Variants in USP6 observed in about 807,000 individuals in gnomAD.
The protein encoded by USP6 is ubiquitin specific peptidase 6, also known as ubiquitin carboxyl-terminal hydrolase 6.
In USP6, 128 loss-of-function variants were observed where a neutral mutation model predicts 175.7. That is an observed-to-expected ratio of 0.73 (90% CI 0.63 to 0.84). The LOEUF is 0.84. Ranked by LOEUF, USP6 falls within the 40% of genes least tolerant of loss-of-function variation. USP6 has a pLI of 0.00. For missense variants in USP6, 1,498 were observed against 1,760.3 expected (o/e 0.85, Z 2.67); for synonymous variants, 562 against 630.6 (o/e 0.89, Z 1.63).
chr17:5,148,434 A>T (rs2073671400), intron 29 of USP6, 122 bp from the exon 30 acceptor site: 1 of 1,137,224 alleles, frequency 8.8e-7, no homozygotes, highest in Admixed American at 2.8e-5. Flanking sequence ...TATTTATACT[A>T]TGATTTCTCC....
intron 29 of USP6, among the ~76,000 whole-genome samples, chr17:5,147,736 G>A (rs187600258): frequency 2.6e-5 from 4 of 152,262 alleles, no homozygotes; most frequent in Admixed American, 1.3e-4. Context: ...TTAATTTAGA[G>A]TATCACTGTC....
chr17:5,121,105 A>G (rs1004251610), intron 3 of USP6, among the ~76,000 whole-genome samples: 1 of 152,194 alleles, frequency 6.6e-6, no homozygotes, highest in Non-Finnish European at 1.5e-5. Flanking sequence ...GAGTGTCTCC[A>G]GTGTCCTAGG....
At position 5,160,592 on chromosome 17, in the gene USP6, G is replaced by T. The variant is rs530318678; in HGVS notation, c.2829-936G>T. ...CAGTTAAAAGAAGTTACTCCATGGT[G>T]TATATGTGCCACATTTTCTTAATCC... On this transcript the variant is annotated intron_variant, in intron 31 of 37. Transcript: ENST00000574788. Among the ~76,000 whole-genome samples, 12 of 152,342 alleles carry T rather than the reference G, an allele frequency of 7.9e-5. No individual in the cohort carries two copies. In the South Asian group the frequency reaches 2.5e-3, roughly 32 times the overall value.
chr17:5,138,495 G>C (rs760520708), intron 21 of USP6, among the ~76,000 whole-genome samples: 26 of 152,108 alleles, frequency 1.7e-4, no homozygotes, highest in Admixed American at 5.9e-4. Flanking sequence ...GAGGGATGTG[G>C]GCAAGACCCT....
At chr17:5,117,586 T>C (rs922285831) in intron 1 of USP6, among the ~76,000 whole-genome samples, 1 of 151,584 alleles carries the variant, frequency 6.6e-6, no homozygotes. Context: ...TCAGAATATA[T>C]ATGTCACAAT....
At position 5,169,010 on chromosome 17, in the gene USP6, A is replaced by G. The variant is rs2074156378; in HGVS notation, c.3472A>G (p.Lys1158Glu). ...SAGKEDMLLS[K>E]SPSSLSANIS... ...TGGAAAAGAGGACATGCTCCTAAGC[A>G]AAAGCCCATCCTCACTCAGCGCTAA... Residue 1158 changes from lysine to glutamate, a missense_variant, in exon 35 of 38, where the codon AAA becomes GAA. Physicochemically the swap from Lys to Glu is moderately conservative, Grantham distance 56. This residue lies in a region of USP6 where 1,217 missense variants were observed against 1,500.8 expected (regional missense o/e 0.81). Coordinates refer to ENST00000574788, the MANE Select transcript of USP6 (RefSeq NM_001304284.2). 6.2e-7 allele frequency: 1 copy of G among 1,613,810 alleles called. No homozygotes were observed.
chr17:5,139,630 A>G lies in USP6; in HGVS notation c.1454A>G (p.Glu485Gly). 6.2e-7 allele frequency: 1 copy of G among 1,612,898 alleles called. No individual in the cohort carries two copies. The highest frequency in any genetic ancestry group is 8.5e-7 in the Non-Finnish European group (1 of 1,180,024). ...WSCWVRAISQEDQLATCWQAE... is the reference protein window; with the variant it reads ...WSCWVRAISQGDQLATCWQAE... ...TGCTGGGTCCGTGCCATATCCCAGG[A>G]GGACCAGCTGGCCACCTGCTGGCAG... The change falls in exon 22 of 38, where the codon GAG becomes GGG. Residue 485 changes from glutamate (E) to glycine (G), a missense_variant. Transcript: ENST00000574788.
At chr17:5,121,174 G>T (rs1270343903) in intron 3 of USP6, among the ~76,000 whole-genome samples, 2 of 152,158 alleles carry the variant, frequency 1.3e-5, no homozygotes, top group Non-Finnish European at 2.9e-5. Flanking sequence ...GCCGCAGTTC[G>T]GTAGGGGTAA....
At chr17:5,141,004 G>A (rs781251727) in intron 22 of USP6, among the ~76,000 whole-genome samples, 12 of 152,148 alleles carry the variant, frequency 7.9e-5, no homozygotes, top group Non-Finnish European at 1.0e-4. Context: ...GGAGTGCAGT[G>A]GTGCAATCAT....
chr17:5,133,639 T>TGGGG, intron 14 of USP6, 89 bp downstream of exon 14: 3 of 411,312 alleles, frequency 7.3e-6, no homozygotes, highest in Non-Finnish European at 1.3e-5. Context: ...CACCCTGGGG[T>TGGGG]GGGGGGGTGG....
At chr17:5,130,526 G>A in intron 10 of USP6, 76 bp from the exon 11 acceptor site, 1 of 1,611,238 alleles carries the variant, frequency 6.2e-7, no homozygotes, top group Admixed American at 1.7e-5. Context: ...CACAGGGCAG[G>A]GACGGGTGGC....
At chr17:5,158,614 G>GAGAGA (rs2073938748) in intron 31 of USP6, among the ~76,000 whole-genome samples, 3 of 26,358 alleles carry the variant, frequency 1.1e-4, no homozygotes, top group Admixed American at 5.3e-4. Context: ...AGGGAGAGGG[G>GAGAGA]GAGAGAGAGA....
At position 5,121,071 on chromosome 17, in the gene USP6, G is replaced by A. The variant is rs536557058; in HGVS notation, c.-1675+283G>A. 2.6e-5 allele frequency among the ~76,000 whole-genome samples: 4 copies of A among 152,274 alleles called. No homozygotes were observed. In the South Asian group the frequency reaches 6.2e-4, roughly 24 times the overall value. ...AGGATGTGTGTATTTGAGTACATAC[G>A]CATACCCTTGGCAAGCACAGGCTGA... On this transcript the variant is annotated intron_variant, in intron 3 of 37. Coordinates refer to ENST00000574788, the MANE Select transcript of USP6 (RefSeq NM_001304284.2).
At position 5,137,170 on chromosome 17, in the gene USP6, G is replaced by A. The variant is rs539367496; in HGVS notation, c.809G>A (p.Arg270Gln). The change falls in exon 19 of 38, where the codon CGG becomes CAG. Residue 270 changes from arginine to glutamine, a missense_variant. Arg to Gln is a conservative substitution (Grantham distance 43, BLOSUM62 1). Coordinates refer to ENST00000574788, the MANE Select transcript of USP6 (RefSeq NM_001304284.2). ...GQCASLGCLL[R>Q]NLIDGISLGL... Reference sequence around the variant, plus strand: ...TGTGCCTCGTTAGGCTGCCTTCTCCGGAACCTGATTGACGGGGTAAGGAGG... The same window carrying A: ...TGTGCCTCGTTAGGCTGCCTTCTCCAGAACCTGATTGACGGGGTAAGGAGG... The A allele has an allele frequency of 6.2e-6, 10 of 1,613,300 alleles. No individual in the cohort carries two copies. In the East Asian group the frequency reaches 8.9e-5, roughly 14 times the overall value.
intron 6 of USP6, among the ~76,000 whole-genome samples, chr17:5,126,313 C>T (rs565839904): frequency 3.9e-5 from 6 of 152,216 alleles, no homozygotes; most frequent in East Asian, 1.9e-4. Context: ...AAAGAGGCGT[C>T]GGTTTTTTAT....
Position 5,133,996 on chromosome 17 carries a change from A to G in USP6, c.494A>G (p.Lys165Arg), listed in dbSNP as rs775514668. The G allele has an allele frequency of 6.2e-7, 1 of 1,613,946 alleles. No homozygotes were observed. Among genetic ancestry groups the G allele is most frequent in the South Asian group, 1.1e-5 (1 of 91,076 alleles). The change falls in exon 15 of 38, where the codon AAG (lysine) becomes AGG (arginine). Residue 165 changes from lysine to arginine, a missense_variant and splice_region_variant. Physicochemically the swap from Lys to Arg is conservative, Grantham distance 26. Coordinates refer to ENST00000574788, the MANE Select transcript of USP6 (RefSeq NM_001304284.2). ...TTCTTTAGGGATCGATATGGAGCCA[A>G]GTAAGCCTACGGGAGCCACACAGTC... ...HVFFRDRYGAKQRELFYILLA... is the reference protein window; with the variant it reads ...HVFFRDRYGARQRELFYILLA...
intron 31 of USP6, among the ~76,000 whole-genome samples, chr17:5,157,249 C>A (rs1314072558): frequency 2.0e-5 from 3 of 151,832 alleles, no homozygotes; most frequent in Non-Finnish European, 2.9e-5. Context: ...CCACGCCTGG[C>A]TAGTTTTTGT....
In USP6 at chr17:5,138,400, T is replaced by C. The variant is rs971008588; in HGVS notation, c.1078+127T>C. The stretch of plus-strand genomic sequence containing the variant: ...CACCTTTTCTTCCTCCTCTTCCTCC[T>C]GGACTCTAAGAAAGTACAGGAGGCC... On this transcript the variant is annotated intron_variant, in intron 21 of 37. Coordinates refer to ENST00000574788, the MANE Select transcript of USP6 (RefSeq NM_001304284.2). 7.9e-6 allele frequency: 12 copies of C among 1,528,062 alleles called. No homozygotes were observed. In the Admixed American group the frequency reaches 1.8e-4, roughly 23 times the overall value. 94.7% of individuals were successfully genotyped at this position (1,528,062 alleles called of 1,614,324 possible).
intron 23 of USP6, 78 bp from the exon 24 acceptor site, chr17:5,141,925 T>C: frequency 6.6e-7 from 1 of 1,518,934 alleles, no homozygotes; most frequent in Non-Finnish European, 8.8e-7. Flanking sequence ...AAAAAATCTT[T>C]TCATTGAATA....
Sources: gnomAD v4.1 joint callset for allele counts (sites outside exome capture counted in the v4.1 genomes callset) on GRCh38, gnomAD v4.1.1 for gene constraint, gnomAD v4.1.1 regional missense constraint, MANE v1.5 for transcripts, NCBI Gene and HGNC (gene_info 2026-07-23, HGNC 2026-07-21) for gene names.